Variants in EFCAB6 observed in about 807,000 individuals in gnomAD.
EFCAB6 encodes the protein EF-hand calcium-binding domain-containing protein 6.
A neutral mutation model predicts 169.8 loss-of-function variants in EFCAB6; 156 were observed. The observed-to-expected ratio is 0.92, with a 90% CI of 0.81 to 1.05. The LOEUF (loss-of-function observed/expected upper bound fraction) is 1.05. Ranked by LOEUF, EFCAB6 falls within the 50% of genes least tolerant of loss-of-function variation. EFCAB6 has a pLI of 0.00. For missense variants in EFCAB6, 1,800 were observed against 1,829.1 expected (o/e 0.98, Z 0.29); for synonymous variants, 698 against 676.4 (o/e 1.03, Z -0.50).
chr22:43,691,196 A>G (rs963097131), intron 10 of EFCAB6, among the ~76,000 whole-genome samples: 2 of 152,042 alleles, frequency 1.3e-5, no homozygotes, highest in Non-Finnish European at 2.9e-5. Context: ...TATTCACATA[A>G]ATTCTCTTTT....
intron 3 of EFCAB6, among the ~76,000 whole-genome samples, chr22:43,779,849 A>C (rs2061757669): frequency 1.3e-5 from 2 of 152,200 alleles, no homozygotes; most frequent in South Asian, 4.1e-4. Flanking sequence ...TGTGGCACTA[A>C]GGCAGATAGA....
Position 43,646,968 on chromosome 22 carries a change from A to G in EFCAB6, c.1984-11752T>C, listed in dbSNP as rs2056196121. Among the ~76,000 whole-genome samples the G allele has an allele frequency of 2.0e-5, 3 of 152,330 alleles. No homozygotes were observed. In the South Asian group the frequency reaches 6.2e-4, roughly 32 times the overall value. The stretch of plus-strand genomic sequence containing the variant: ...ACCTAGACATTTCACTTGTTCTATA[A>G]GCAAGAAATTGTAATAATTTCAATG... On this transcript the variant is annotated intron_variant, in intron 17 of 31. Coordinates refer to ENST00000262726, the MANE Select transcript of EFCAB6 (RefSeq NM_022785.4).
rs371056632 is a variant in EFCAB6 at position 43,633,360 on chromosome 22, C to T, written c.2099-1122G>A. The stretch of plus-strand genomic sequence containing the variant: ...GTCAAGAGATCGAGACCATCCTGGC[C>T]AACATGGTGAAACCCCATCTCTACT... On this transcript the variant is annotated intron_variant, in intron 18 of 31. Transcript: ENST00000262726. Among the ~76,000 whole-genome samples the T allele has an allele frequency of 1.4e-4, 21 of 152,266 alleles. No homozygotes were observed. The East Asian group carries it at 1.7e-3, about 13-fold the overall frequency.
At chr22:43,633,747 C>G (rs1204906820) in intron 18 of EFCAB6, among the ~76,000 whole-genome samples, 1 of 152,162 alleles carries the variant, frequency 6.6e-6, no homozygotes, top group Non-Finnish European at 1.5e-5. Context: ...GGATGGGGGA[C>G]AGGGCGCCCC....
intron 8 of EFCAB6, among the ~76,000 whole-genome samples, chr22:43,730,111 G>A (rs1277981868): frequency 6.7e-6 from 1 of 148,666 alleles, no homozygotes; most frequent in African/African-American, 2.5e-5. Context: ...TTGCTCAGGA[G>A]GTTGAGGCTG....
chr22:43,543,795 A>AC, intron 27 of EFCAB6, among the ~76,000 whole-genome samples: 1 of 151,914 alleles, frequency 6.6e-6, no homozygotes, highest in East Asian at 1.9e-4. Context: ...AGGGAAAGGG[A>AC]CCCCTCTCAG....
intron 31 of EFCAB6, 137 bp downstream of exon 31, chr22:43,530,678 C>G (rs2047001360): frequency 6.0e-6 from 9 of 1,499,702 alleles, no homozygotes; most frequent in Middle Eastern, 2.5e-4. Context: ...TTGGGGGTCC[C>G]AGGGAAGTGA....
intron 24 of EFCAB6, among the ~76,000 whole-genome samples, chr22:43,583,521 G>A (rs985199254): frequency 2.6e-5 from 4 of 152,016 alleles, no homozygotes; most frequent in Non-Finnish European, 5.9e-5. Context: ...TCATAGATAT[G>A]AAACAAATTT....
chr22:43,632,402 C>T (rs888471595), intron 18 of EFCAB6, among the ~76,000 whole-genome samples, 164 bp from the exon 19 acceptor site: 3 of 149,310 alleles, frequency 2.0e-5, no homozygotes, highest in East Asian at 2.0e-4. Flanking sequence ...TGGGTTCAAG[C>T]GAGTCTCCTG....
At chr22:43,727,880 T>C (rs2059796214) in intron 8 of EFCAB6, among the ~76,000 whole-genome samples, 1 of 152,118 alleles carries the variant, frequency 6.6e-6, no homozygotes, top group Non-Finnish European at 1.5e-5. Flanking sequence ...TCTGCTCGGC[T>C]TCAAGAAGTT....
intron 3 of EFCAB6, among the ~76,000 whole-genome samples, chr22:43,777,842 C>T (rs778732865): frequency 2.0e-4 from 31 of 152,120 alleles, no homozygotes; most frequent in Non-Finnish European, 4.0e-4. Flanking sequence ...CCTAATGCAA[C>T]GTCTGAGGAT....
Position 43,649,831 on chromosome 22 carries a change from T to C in EFCAB6, c.1984-14615A>G, listed in dbSNP as rs575800856. Among the ~76,000 whole-genome samples, 3 of 152,316 alleles carry C rather than the reference T, an allele frequency of 2.0e-5. No homozygotes were observed. The South Asian group carries it at 6.2e-4, about 32-fold the overall frequency. ...TGAAGCTGGAAGAGAATGAGCCATT[T>C]GCTAATCTGGGAGCAGGGCAAGGGG... On this transcript the variant is annotated intron_variant, in intron 17 of 31. Coordinates refer to ENST00000262726, the MANE Select transcript of EFCAB6 (RefSeq NM_022785.4).
chr22:43,719,206 G>A (rs561881528), intron 8 of EFCAB6, among the ~76,000 whole-genome samples: 3 of 152,142 alleles, frequency 2.0e-5, no homozygotes, highest in African/African-American at 4.8e-5. Context: ...ATTCAGTGAC[G>A]CCTCTCTCAC....
chr22:43,803,497 G>A (rs978870696), intron 2 of EFCAB6, among the ~76,000 whole-genome samples: 1 of 152,040 alleles, frequency 6.6e-6, no homozygotes, highest in African/African-American at 2.4e-5. Flanking sequence ...ACCGTGATTG[G>A]TTATGGAAAG....
intron 11 of EFCAB6, among the ~76,000 whole-genome samples, chr22:43,686,922 G>GC (rs1436789701): frequency 1.1e-4 from 17 of 151,928 alleles, no homozygotes; most frequent in African/African-American, 3.6e-4. Context: ...ACATTTTGGG[G>GC]CCCCATCACA....
chr22:43,780,821 G>C (rs561493428), intron 3 of EFCAB6, among the ~76,000 whole-genome samples: 1 of 152,192 alleles, frequency 6.6e-6, no homozygotes, highest in Non-Finnish European at 1.5e-5. Flanking sequence ...CCTGCCAGTT[G>C]CAAGTAAGCC....
chr22:43,695,430 T>G, intron 10 of EFCAB6, among the ~76,000 whole-genome samples: 1 of 152,086 alleles, frequency 6.6e-6, no homozygotes, highest in Non-Finnish European at 1.5e-5. Context: ...TACTTTTTAA[T>G]GTATTTATAA....
chr22:43,724,026 T>C (rs904805063), intron 8 of EFCAB6, among the ~76,000 whole-genome samples: 1 of 152,254 alleles, frequency 6.6e-6, no homozygotes, highest in Non-Finnish European at 1.5e-5. Flanking sequence ...CTCATGAACA[T>C]GCTTTTTTCA....
chr22:43,623,214 ATTTGG>A (rs1293296466), intron 20 of EFCAB6, among the ~76,000 whole-genome samples: 2 of 152,192 alleles, frequency 1.3e-5, no homozygotes, highest in African/African-American at 4.8e-5. Flanking sequence ...ATCATGCAGT[ATTTGG>A]TGATGGACTA....
Sources: allele counts gnomAD v4.1 joint callset (sites outside exome capture counted in the v4.1 genomes callset), GRCh38; gene constraint gnomAD v4.1.1; transcripts MANE v1.5; gene names NCBI Gene and HGNC (gene_info 2026-07-23, HGNC 2026-07-21).